CACNA2D1: variants seen among roughly 807,000 people sequenced by gnomAD.
CACNA2D1 encodes calcium voltage-gated channel auxiliary subunit alpha2delta 1, also known as voltage-dependent calcium channel subunit alpha-2/delta-1.
In CACNA2D1, 53 loss-of-function variants were observed where a neutral mutation model predicts 171.5. The ratio of observed to expected loss-of-function variants is 0.31; its 90% CI spans 0.25 to 0.39. The LOEUF (loss-of-function observed/expected upper bound fraction) is 0.39. Ranked by LOEUF, CACNA2D1 falls within the 10% of genes least tolerant of loss-of-function variation. CACNA2D1 has a pLI of 1.00. For synonymous variants in CACNA2D1, 442 were observed against 443.1 expected, an observed-to-expected ratio of 1.00 and a Z score of 0.03; for missense variants, 903 against 1,299.8, an observed-to-expected ratio of 0.69 and a Z score of 4.69.
At chr7:82,089,369 A>G (rs938252994) in intron 6 of CACNA2D1, among the ~76,000 whole-genome samples, 3 of 152,202 alleles carry the variant, frequency 2.0e-5, no homozygotes, top group Non-Finnish European at 4.4e-5. Context: ...TCAACTTTTA[A>G]GAAATGAAGA....
At chr7:82,366,567 T>C (rs1327897476) in intron 1 of CACNA2D1, among the ~76,000 whole-genome samples, 2 of 141,976 alleles carry the variant, frequency 1.4e-5, no homozygotes, top group East Asian at 4.2e-4. Flanking sequence ...TGTTCTTTTA[T>C]ATGGCTGTGA....
Position 82,368,410 on chromosome 7 carries a change from G to C in CACNA2D1, c.96-18761C>G, listed in dbSNP as rs115962144. 4.7e-3 allele frequency among the ~76,000 whole-genome samples: 721 copies of C among 152,232 alleles called. 4 individuals are homozygous for C. The highest frequency in any genetic ancestry group is 0.017 in the African/African-American group (699 of 41,532). On this transcript the variant is annotated intron_variant, in intron 1 of 38. Coordinates refer to ENST00000356860, the MANE Select transcript of CACNA2D1 (RefSeq NM_000722.4). ...AAGCTCATTAAGTTCTGTGAAGCAG[G>C]AAAATAATGACACCATAGCTGATCT...
At chr7:82,415,577 T>C (rs1331634608) in intron 1 of CACNA2D1, among the ~76,000 whole-genome samples, 1 of 152,070 alleles carries the variant, frequency 6.6e-6, no homozygotes, top group Non-Finnish European at 1.5e-5. Flanking sequence ...TAGGACCTAA[T>C]AAACAGGCAA....
At chr7:82,204,525 G>T (rs1046967008) in intron 3 of CACNA2D1, among the ~76,000 whole-genome samples, 4 of 152,240 alleles carry the variant, frequency 2.6e-5, no homozygotes, top group African/African-American at 9.6e-5. Flanking sequence ...GTCACCATGG[G>T]GTGGTTGCCT....
chr7:82,176,545 T>C (rs1317975771), intron 3 of CACNA2D1, among the ~76,000 whole-genome samples: 1 of 151,948 alleles, frequency 6.6e-6, no homozygotes, highest in East Asian at 1.9e-4. Flanking sequence ...GAAAAGGTTC[T>C]GTTAGCTAAA....
intron 3 of CACNA2D1, among the ~76,000 whole-genome samples, chr7:82,231,748 C>A (rs565263765): frequency 1.1e-4 from 17 of 152,086 alleles, no homozygotes; most frequent in Non-Finnish European, 2.1e-4. Flanking sequence ...AATAGTATCA[C>A]CCCAAATTCC....
chr7:82,082,522 GAC>G (rs1350037070), intron 7 of CACNA2D1, among the ~76,000 whole-genome samples: 5 of 151,796 alleles, frequency 3.3e-5, no homozygotes, highest in African/African-American at 9.7e-5. Flanking sequence ...AGGTGGGCAT[GAC>G]AGTGTAAAAA....
At chr7:82,331,197 A>T (rs1419583967) in intron 3 of CACNA2D1, among the ~76,000 whole-genome samples, 1 of 152,098 alleles carries the variant, frequency 6.6e-6, no homozygotes, top group Non-Finnish European at 1.5e-5. Flanking sequence ...TTATTATGGG[A>T]AATAATTAGA....
chr7:82,144,863 G>A (rs1012219547), intron 4 of CACNA2D1, among the ~76,000 whole-genome samples: 14 of 151,846 alleles, frequency 9.2e-5, no homozygotes, highest in Non-Finnish European at 1.3e-4. Flanking sequence ...TATTTAAAAA[G>A]ATTAAAGTAA....
At chr7:82,014,587 A>G (rs1800195596) in intron 12 of CACNA2D1, 108 bp from the exon 13 acceptor site, 2 of 703,478 alleles carry the variant, frequency 2.8e-6, no homozygotes, top group Admixed American at 2.1e-5. Flanking sequence ...CAGTTGAATG[A>G]TATGACAAGA....
intron 3 of CACNA2D1, among the ~76,000 whole-genome samples, chr7:82,186,189 A>AGGGAGGG (rs1797719545): frequency 9.8e-6 from 1 of 102,336 alleles, no homozygotes; most frequent in African/African-American, 3.7e-5. Flanking sequence ...GGAAGGAAGG[A>AGGGAGGG]AGGGAGGGAG....
chr7:82,182,084 C>T (rs983278577), intron 3 of CACNA2D1, among the ~76,000 whole-genome samples: 1 of 152,002 alleles, frequency 6.6e-6, no homozygotes, highest in Non-Finnish European at 1.5e-5. Flanking sequence ...CCTTTCCCTT[C>T]CTTTTTTCCT....
intron 24 of CACNA2D1, among the ~76,000 whole-genome samples, chr7:81,980,284 T>A (rs1012511346): frequency 2.0e-5 from 3 of 149,972 alleles, no homozygotes; most frequent in African/African-American, 7.4e-5. Flanking sequence ...CAGGGCCATG[T>A]AGCAAGTGAT....
At chr7:82,151,854 T>C (rs1023625617) in intron 4 of CACNA2D1, among the ~76,000 whole-genome samples, 9 of 152,244 alleles carry the variant, frequency 5.9e-5, no homozygotes, top group African/African-American at 1.9e-4. Context: ...TCAAAGTTAA[T>C]ATCCAGGTGA....
At chr7:82,051,178 AAAT>A (rs1356327450) in intron 10 of CACNA2D1, 1 of 154,234 alleles carries the variant, frequency 6.5e-6, no homozygotes, top group African/African-American at 2.4e-5. Flanking sequence ...TTATATAGAC[AAAT>A]AATAAGCACA....
chr7:82,394,011 G>C lies in CACNA2D1; in HGVS notation c.96-44362C>G, dbSNP rs3801672. Among the ~76,000 whole-genome samples, 65 of 152,176 alleles carry C rather than the reference G, an allele frequency of 4.3e-4. No homozygotes were observed. The East Asian group carries it at 0.012, about 27-fold the overall frequency. On this transcript the variant is annotated intron_variant, in intron 1 of 38. Coordinates refer to ENST00000356860, the MANE Select transcript of CACNA2D1 (RefSeq NM_000722.4). ...AAAAATTTGCCCAAGGTCAAGTTGA[G>C]AAATAAACAAAACTTTATTGAGACT...
intron 3 of CACNA2D1, among the ~76,000 whole-genome samples, chr7:82,321,367 C>T (rs972725674): frequency 6.6e-6 from 1 of 151,986 alleles, no homozygotes; most frequent in African/African-American, 2.4e-5. Flanking sequence ...CCATTTCACT[C>T]CAGCCTGGGT....
chr7:82,441,986 C>G (rs1227235696), intron 1 of CACNA2D1, among the ~76,000 whole-genome samples: 1 of 152,098 alleles, frequency 6.6e-6, no homozygotes, highest in African/African-American at 2.4e-5. Context: ...GCCAATTAAA[C>G]GAAGATCTCC....
chr7:82,039,709 T>A (rs374916914), intron 10 of CACNA2D1, among the ~76,000 whole-genome samples: 1 of 152,312 alleles, frequency 6.6e-6, no homozygotes, highest in East Asian at 1.9e-4. Flanking sequence ...AAAAGGCATT[T>A]CCTGTGATTC....
Sources: allele counts gnomAD v4.1 joint callset (sites outside exome capture counted in the v4.1 genomes callset), GRCh38; gene constraint gnomAD v4.1.1; transcripts MANE v1.5; gene names NCBI Gene and HGNC (gene_info 2026-07-23, HGNC 2026-07-21).